The following FAM222A variants were observed in gnomAD, a reference collection of about 807,000 sequenced individuals.
The protein encoded by FAM222A is family with sequence similarity 222 member A.
FAM222A carries 7 observed loss-of-function variants against 25.8 expected under a neutral mutation model. The ratio of observed to expected loss-of-function variants is 0.27; its 90% CI spans 0.15 to 0.51. FAM222A has a LOEUF of 0.51. Among genes scored for constraint, FAM222A ranks in the 20% least tolerant of loss-of-function variants. The probability of loss-of-function intolerance (pLI) is 0.97; values close to 1 mark genes in which losing one functional copy is unlikely to be tolerated. For missense variants in FAM222A, 573 were observed against 640.5 expected, an observed-to-expected ratio of 0.89 and a Z score of 1.14; for synonymous variants, 294 against 298.8, an observed-to-expected ratio of 0.98 and a Z score of 0.17.
At chr12:109,759,261 G>T (rs1011926937) in intron 2 of FAM222A, among the ~76,000 whole-genome samples, 2 of 152,192 alleles carry the variant, frequency 1.3e-5, no homozygotes, top group African/African-American at 4.8e-5. Flanking sequence ...CCACAGGATG[G>T]TGAGGGCTGA....
intron 2 of FAM222A, among the ~76,000 whole-genome samples, chr12:109,766,925 T>C (rs1019674904): frequency 6.6e-6 from 1 of 152,148 alleles, no homozygotes; most frequent in Non-Finnish European, 1.5e-5. Context: ...AGACAAGGTC[T>C]TGCTCTATCG....
At chr12:109,753,730 C>T (rs1225111610) in intron 2 of FAM222A, among the ~76,000 whole-genome samples, 1 of 151,488 alleles carries the variant, frequency 6.6e-6, no homozygotes, top group African/African-American at 2.4e-5. Context: ...TACAGACCCT[C>T]AGGACGCCGA....
intron 1 of FAM222A, among the ~76,000 whole-genome samples, chr12:109,725,016 GA>G (rs1887814772): frequency 6.6e-6 from 1 of 152,094 alleles, no homozygotes; most frequent in African/African-American, 2.4e-5. Context: ...ACAGGTGGGG[GA>G]AACTGAGGCT....
Position 109,714,239 on chromosome 12 carries a change from G to C in FAM222A, c.-705G>C. 4.9e-6 allele frequency: 1 copy of C among 205,174 alleles called. No homozygotes were observed. The highest frequency in any genetic ancestry group is 6.1e-5 in the South Asian group (1 of 16,468). The allele number at this position is 205,174 out of a possible 1,614,324, so 12.7% of individuals were successfully genotyped here. ...GCCGCTGCCGCCGCCGCTGTTCGCC[G>C]GCTTCCCCTCCCCCCACACCCGGGG... is the stretch of plus-strand genomic sequence containing the variant. On this transcript the variant is annotated 5_prime_UTR_variant, in exon 1 of 3. Transcript: ENST00000538780. This position sits in a 1 kb window ranked among gnomAD's most constrained non-coding sequence, Gnocchi z 4.2.
At chr12:109,754,625 C>G (rs1444747581) in intron 2 of FAM222A, among the ~76,000 whole-genome samples, 6 of 151,912 alleles carry the variant, frequency 3.9e-5, no homozygotes, top group Non-Finnish European at 8.8e-5. Flanking sequence ...ACAAAAGCAG[C>G]CAGCAGGCCA....
At chr12:109,759,596 G>T (rs944103865) in intron 2 of FAM222A, among the ~76,000 whole-genome samples, 2 of 152,168 alleles carry the variant, frequency 1.3e-5, no homozygotes, top group African/African-American at 2.4e-5. Context: ...TAATGGCAGC[G>T]GCAGTTCGTC....
chr12:109,759,547 T>G (rs956343518), intron 2 of FAM222A, among the ~76,000 whole-genome samples: 2 of 152,218 alleles, frequency 1.3e-5, no homozygotes, highest in African/African-American at 2.4e-5. Flanking sequence ...AATAACCGCA[T>G]CTATTTAACA....
At chr12:109,720,274 C>T in intron 1 of FAM222A, 1 of 778,038 alleles carries the variant, frequency 1.3e-6, no homozygotes, top group Middle Eastern at 6.5e-4. Context: ...TAGCTGTGAA[C>T]AGGCTCCCGG....
At chr12:109,729,194 A>G (rs1394326758) in intron 1 of FAM222A, among the ~76,000 whole-genome samples, 4 of 151,846 alleles carry the variant, frequency 2.6e-5, no homozygotes, top group Non-Finnish European at 1.5e-5. Flanking sequence ...TTTTTCCCCC[A>G]AGAGAAAGCA....
At chr12:109,751,876 G>C (rs961320112) in intron 2 of FAM222A, among the ~76,000 whole-genome samples, 3 of 152,148 alleles carry the variant, frequency 2.0e-5, no homozygotes, top group East Asian at 1.9e-4. Context: ...ACTATTGGAA[G>C]CCTGTTCTTT....
At chr12:109,749,971 G>C (rs955051173) in intron 2 of FAM222A, among the ~76,000 whole-genome samples, 41 of 152,286 alleles carry the variant, frequency 2.7e-4, no homozygotes, top group Middle Eastern at 3.4e-3. Flanking sequence ...ATATACTATA[G>C]AGTTGGATTA....
In FAM222A at chr12:109,768,488, C is replaced by T. The variant is rs199694375; in HGVS notation, c.559C>T (p.Arg187Trp). The change falls in exon 3 of 3, where the codon CGG becomes TGG. Residue 187 changes from arginine (R) to tryptophan (W), a missense_variant. Physicochemically the swap from Arg to Trp is moderately radical, Grantham distance 101. Around this residue, in one of 3 missense-constraint regions of FAM222A, gnomAD observed 412 missense variants for 407.0 expected, o/e 1.01. Transcript: ENST00000538780. ...CGCCTCCGTCATCCCCCTGCCGGGCCGGGGCCTGCCCCTGCCACCTTCCAA... is the reference window on the plus strand; with the variant it reads ...CGCCTCCGTCATCCCCCTGCCGGGCTGGGGCCTGCCCCTGCCACCTTCCAA... ...TAASVIPLPG[R>W]GLPLPPSNLP... The T allele has an allele frequency of 2.0e-4, 321 of 1,604,404 alleles. 2 individuals are homozygous for T. In the East Asian group the frequency reaches 6.3e-3, roughly 31 times the overall value.
chr12:109,766,865 T>C (rs1389700372), intron 2 of FAM222A, among the ~76,000 whole-genome samples: 2 of 152,104 alleles, frequency 1.3e-5, no homozygotes, highest in Non-Finnish European at 2.9e-5. Context: ...AACAGAACTC[T>C]GCATGCACTA....
intron 1 of FAM222A, among the ~76,000 whole-genome samples, chr12:109,729,478 A>G (rs1347895303): frequency 1.3e-5 from 2 of 152,248 alleles, no homozygotes; most frequent in African/African-American, 4.8e-5. Flanking sequence ...CGCCAGAGGC[A>G]GGAGGCAGGG....
At chr12:109,737,745 A>C (rs1035265132) in intron 1 of FAM222A, among the ~76,000 whole-genome samples, 1 of 152,190 alleles carries the variant, frequency 6.6e-6, no homozygotes, top group Admixed American at 6.5e-5. Context: ...TTGAGAGATC[A>C]GGAGAGGGGT....
intron 2 of FAM222A, among the ~76,000 whole-genome samples, chr12:109,767,733 G>C (rs1336852223): frequency 1.3e-5 from 2 of 152,292 alleles, no homozygotes; most frequent in East Asian, 1.9e-4. Flanking sequence ...GGTGTGGTTA[G>C]AGACTGGGAG....
intron 2 of FAM222A, among the ~76,000 whole-genome samples, chr12:109,753,562 G>GT (rs1888621169): frequency 6.6e-6 from 1 of 152,054 alleles, no homozygotes; most frequent in Non-Finnish European, 1.5e-5. Context: ...CCCATCCCGG[G>GT]GGGGGGAGCC....
intron 2 of FAM222A, among the ~76,000 whole-genome samples, chr12:109,751,698 G>A (rs1888563386): frequency 6.6e-6 from 1 of 152,222 alleles, no homozygotes; most frequent in Non-Finnish European, 1.5e-5. Context: ...AGGTCTAAGG[G>A]AAGAACCTGT....
chr12:109,740,713 C>T (rs1369184730), intron 1 of FAM222A, among the ~76,000 whole-genome samples: 2 of 152,238 alleles, frequency 1.3e-5, no homozygotes, highest in Non-Finnish European at 2.9e-5. Flanking sequence ...ATTCATTCAA[C>T]ACCTATCTAG....
Sources: allele counts gnomAD v4.1 joint callset (sites outside exome capture counted in the v4.1 genomes callset), GRCh38; gene constraint gnomAD v4.1.1; regional missense constraint gnomAD v4.1.1; non-coding constraint Gnocchi (gnomAD v3.1); transcripts MANE v1.5; gene names NCBI Gene and HGNC (gene_info 2026-07-23, HGNC 2026-07-21).